The following CLEC16A variants were observed in gnomAD, a reference collection of about 807,000 sequenced individuals.
CLEC16A encodes C-type lectin domain containing 16A.
CLEC16A carries 51 observed loss-of-function variants against 109.5 expected under a neutral mutation model. The ratio of observed to expected loss-of-function variants is 0.47; its 90% CI spans 0.37 to 0.59. The LOEUF is 0.59. Among genes scored for constraint, CLEC16A ranks in the 20% least tolerant of loss-of-function variants. The pLI, the probability that CLEC16A is intolerant of heterozygous loss-of-function variation, is 0.00. For synonymous variants in CLEC16A, 673 were observed against 564.2 expected (o/e 1.19, Z -2.73); for missense variants, 1,339 against 1,394.0 (o/e 0.96, Z 0.63).
intron 22 of CLEC16A, among the ~76,000 whole-genome samples, chr16:11,145,543 G>A (rs2054016088): frequency 6.6e-6 from 1 of 152,268 alleles, no homozygotes; most frequent in African/African-American, 2.4e-5. Context: ...TCTTTAAGCA[G>A]CAGAGAGTCA....
At chr16:11,112,109 G>A (rs528227087) in intron 19 of CLEC16A, among the ~76,000 whole-genome samples, 1 of 152,206 alleles carries the variant, frequency 6.6e-6, no homozygotes, top group African/African-American at 2.4e-5. Context: ...GTGCCATCAG[G>A]AAGTGTCAAA....
At position 11,060,883 on chromosome 16, in the gene CLEC16A, C is replaced by T. The variant is rs1163067242; in HGVS notation, c.1996-19C>T. On this transcript the variant is annotated intron_variant, in intron 18 of 23. Coordinates refer to ENST00000409790, the MANE Select transcript of CLEC16A (RefSeq NM_015226.3). ...CTCTGCAATCTCACTCTTCTCTGCT[C>T]TCTGAACTGTTGGTCCAGGCCATCC... 5 of 1,598,062 alleles carry T rather than the reference C, an allele frequency of 3.1e-6. No homozygotes were observed. The highest frequency in any genetic ancestry group is 1.7e-5 in the Admixed American group (1 of 58,788).
At chr16:11,076,387 G>C (rs556208732) in intron 19 of CLEC16A, among the ~76,000 whole-genome samples, 1 of 152,192 alleles carries the variant, frequency 6.6e-6, no homozygotes, top group South Asian at 2.1e-4. Flanking sequence ...AGGGCAGTAA[G>C]AGCCGCCACA....
At chr16:11,114,659 T>A (rs554919667) in intron 19 of CLEC16A, among the ~76,000 whole-genome samples, 29 of 152,246 alleles carry the variant, frequency 1.9e-4, no homozygotes, top group African/African-American at 6.7e-4. Context: ...CAAGACCCCA[T>A]GGCAGTCCCA....
intron 19 of CLEC16A, among the ~76,000 whole-genome samples, chr16:11,082,988 C>T (rs539449223): frequency 6.6e-6 from 1 of 152,246 alleles, no homozygotes; most frequent in East Asian, 1.9e-4. Flanking sequence ...TCAGCCCCAG[C>T]CCCTGCAACA....
intron 19 of CLEC16A, among the ~76,000 whole-genome samples, chr16:11,063,970 G>T (rs2048628911): frequency 6.6e-6 from 1 of 151,108 alleles, no homozygotes; most frequent in Non-Finnish European, 1.5e-5. Context: ...AGGGAAGGAG[G>T]GATTGGAGGA....
At chr16:11,029,592 ATC>A (rs2046621431) in intron 13 of CLEC16A, among the ~76,000 whole-genome samples, 1 of 151,784 alleles carries the variant, frequency 6.6e-6, no homozygotes, top group Admixed American at 6.6e-5. Context: ...CCTCTCAGGG[ATC>A]TCTCTCTTAT....
chr16:11,055,212 A>C (rs1270319109), intron 18 of CLEC16A, among the ~76,000 whole-genome samples: 2 of 152,194 alleles, frequency 1.3e-5, no homozygotes, highest in Non-Finnish European at 2.9e-5. Context: ...AACAAGTAAG[A>C]GAATAGCAGG....
intron 19 of CLEC16A, among the ~76,000 whole-genome samples, chr16:11,101,607 A>G (rs1254695565): frequency 6.6e-6 from 1 of 152,168 alleles, no homozygotes; most frequent in Admixed American, 6.5e-5. Context: ...TCCTCTCCAC[A>G]GACGTCTAGT....
rs1199280962 is a variant in CLEC16A at position 10,944,837 on chromosome 16, CA to C, written c.80+41del. Reference sequence around the variant, plus strand: ...CGTAGCGGGAGGCCTCGGGGCTGGACAGGGGGACGGGGCGCCGAGCTCCGGG... The same window carrying C: ...CGTAGCGGGAGGCCTCGGGGCTGGACGGGGGACGGGGCGCCGAGCTCCGGG... On this transcript the variant is annotated intron_variant, in intron 1 of 23. Transcript: ENST00000409790. 2.6e-6 allele frequency: 4 copies of C among 1,532,428 alleles called. No individual in the cohort carries two copies. The East Asian group carries it at 9.4e-5, about 36-fold the overall frequency. 94.9% of individuals were successfully genotyped at this position (1,532,428 alleles called of 1,614,324 possible).
chr16:11,017,992 G>C (rs1597065494), intron 11 of CLEC16A, among the ~76,000 whole-genome samples: 1 of 125,758 alleles, frequency 8.0e-6, no homozygotes, highest in East Asian at 2.1e-4. Context: ...AATTTTTAAA[G>C]AGGTATTAAA....
intron 4 of CLEC16A, 57 bp downstream of exon 4, chr16:10,969,366 T>C: frequency 7.3e-7 from 1 of 1,365,632 alleles, no homozygotes; most frequent in Non-Finnish European, 9.9e-7. Context: ...GCTTTTTTTT[T>C]TTTTTTTTAC....
chr16:11,143,843 A>G (rs539210304), intron 22 of CLEC16A, among the ~76,000 whole-genome samples: 1 of 152,286 alleles, frequency 6.6e-6, no homozygotes, highest in South Asian at 2.1e-4. Flanking sequence ...TGGTTAAGTA[A>G]CTTACCTGGA....
At chr16:11,071,999 A>G (rs1166070883) in intron 19 of CLEC16A, among the ~76,000 whole-genome samples, 2 of 152,108 alleles carry the variant, frequency 1.3e-5, no homozygotes, top group Non-Finnish European at 2.9e-5. Flanking sequence ...TCTGATGCCT[A>G]TAATGTTGGA....
chr16:11,020,193 A>C lies in CLEC16A; in HGVS notation c.1304A>C (p.Glu435Ala). The C allele has an allele frequency of 1.2e-6, 2 of 1,608,358 alleles. No homozygotes were observed. The highest frequency in any genetic ancestry group is 8.5e-7 in the Non-Finnish European group (1 of 1,176,702). Residue 435 changes from glutamate (E) to alanine (A), a missense_variant and splice_region_variant, in exon 12 of 24, where the codon GAG (glutamate) becomes GCG (alanine). This residue lies in a region of CLEC16A where 1,061 missense variants were observed against 1,006.8 expected (regional missense o/e 1.05). Transcript: ENST00000409790. ...KGIKTSGESE[E>A]IEMVIMERSK... ...TCCCAGTCTCCATTTTGGCTTCCAGAGATCGAGATGGTGATCATGGAGCGT... is the reference window on the plus strand; with the variant it reads ...TCCCAGTCTCCATTTTGGCTTCCAGCGATCGAGATGGTGATCATGGAGCGT...
Position 11,156,012 on chromosome 16 carries a change from T to G in CLEC16A, c.2642-10376T>G, listed in dbSNP as rs368513703. The stretch of plus-strand genomic sequence containing the variant: ...ATACACACTGTACGGCCTCCCTGCT[T>G]CTGGCCAAAAAGGTCAAAATGGGGC... On this transcript the variant is annotated intron_variant, in intron 22 of 23. Transcript: ENST00000409790. Among the ~76,000 whole-genome samples the G allele has an allele frequency of 9.9e-5, 15 of 152,226 alleles. No homozygotes were observed. In the East Asian group the frequency reaches 2.7e-3, roughly 27 times the overall value.
Position 11,178,442 on chromosome 16 carries a change from G to A in CLEC16A, c.2914G>A (p.Ala972Thr), listed in dbSNP as rs772942905. 8.7e-6 allele frequency: 14 copies of A among 1,613,424 alleles called. No individual in the cohort carries two copies. The highest frequency in any genetic ancestry group is 1.6e-4 in the Middle Eastern group (1 of 6,084). The change falls in exon 24 of 24, where the codon GCA (alanine) becomes ACA (threonine). Residue 972 changes from alanine (A) to threonine (T), a missense_variant. Transcript: ENST00000409790. This position sits in a 1 kb window ranked among gnomAD's most constrained non-coding sequence, Gnocchi z 6.5. ...GCCCAGCAAGAACGTGGCCAGGAGC[G>A]CAGCCGTGGAGACAGCCAGCCTGTC... ...SKPSKNVARS[A>T]AVETASLSPS...
At chr16:11,075,378 CTG>C (rs373865850) in intron 19 of CLEC16A, among the ~76,000 whole-genome samples, 5,266 of 134,486 alleles carry the variant, frequency 0.039, 131 homozygotes, top group Middle Eastern at 0.18. Context: ...TTGGATATGT[CTG>C]TGTGTGTGTG....
chr16:11,045,495 C>G (rs539869747), intron 16 of CLEC16A, among the ~76,000 whole-genome samples: 2 of 152,214 alleles, frequency 1.3e-5, no homozygotes, highest in African/African-American at 2.4e-5. Flanking sequence ...AAGGCCCTAC[C>G]TACTAATCCC....
Sources: gnomAD v4.1 joint callset for allele counts (sites outside exome capture counted in the v4.1 genomes callset) on GRCh38, gnomAD v4.1.1 for gene constraint, gnomAD v4.1.1 regional missense constraint, Gnocchi (gnomAD v3.1) non-coding constraint, MANE v1.5 for transcripts, NCBI Gene and HGNC (gene_info 2026-07-23, HGNC 2026-07-21) for gene names.